NXPH1: variants seen among roughly 807,000 people sequenced by gnomAD.
NXPH1 encodes neurexophilin 1.
A neutral mutation model predicts 23.7 loss-of-function variants in NXPH1; 5 were observed. The observed-to-expected ratio is 0.21, with a 90% confidence interval of 0.11 to 0.44. NXPH1 has a LOEUF of 0.44. Ranked by LOEUF, NXPH1 falls within the 20% of genes least tolerant of loss-of-function variation. NXPH1 has a pLI of 0.99. For missense variants in NXPH1, 324 were observed against 321.6 expected, an observed-to-expected ratio of 1.01 and a Z score of -0.06; for synonymous variants, 144 against 122.2, an observed-to-expected ratio of 1.18 and a Z score of -1.18.
intron 2 of NXPH1, among the ~76,000 whole-genome samples, chr7:8,577,075 A>G (rs1191238604): frequency 1.3e-5 from 2 of 152,162 alleles, no homozygotes; most frequent in African/African-American, 4.8e-5. Flanking sequence ...AAATGATAAT[A>G]ATATTAATAC....
chr7:8,675,595 C>G (rs1048420249), intron 2 of NXPH1, among the ~76,000 whole-genome samples: 1 of 152,116 alleles, frequency 6.6e-6, no homozygotes, highest in Non-Finnish European at 1.5e-5. Context: ...CCAAGTTAAT[C>G]ATTGCAGCAT....
At chr7:8,643,299 ATTC>A (rs1820347066) in intron 2 of NXPH1, among the ~76,000 whole-genome samples, 2 of 152,154 alleles carry the variant, frequency 1.3e-5, no homozygotes, top group African/African-American at 2.4e-5. Context: ...GTACATATAT[ATTC>A]TTATACATGT....
chr7:8,663,361 T>C (rs1238920178), intron 2 of NXPH1, among the ~76,000 whole-genome samples: 1 of 152,064 alleles, frequency 6.6e-6, no homozygotes, highest in Admixed American at 6.6e-5. Context: ...CCATCATCCT[T>C]TCTGGTCTCA....
At chr7:8,469,063 G>T (rs990219044) in intron 2 of NXPH1, among the ~76,000 whole-genome samples, 2 of 151,856 alleles carry the variant, frequency 1.3e-5, no homozygotes, top group African/African-American at 4.8e-5. Flanking sequence ...TACATAAAAA[G>T]TAGATTTAAG....
At chr7:8,579,814 G>A (rs537988254) in intron 2 of NXPH1, among the ~76,000 whole-genome samples, 1 of 152,326 alleles carries the variant, frequency 6.6e-6, no homozygotes, top group East Asian at 1.9e-4. Context: ...GGCTATCAGA[G>A]ACCTTGAAGG....
intron 2 of NXPH1, among the ~76,000 whole-genome samples, chr7:8,620,065 G>A (rs898856327): frequency 6.6e-6 from 1 of 152,152 alleles, no homozygotes; most frequent in African/African-American, 2.4e-5. Flanking sequence ...AGCACTTAGA[G>A]CTGCCAGAGT....
intron 2 of NXPH1, among the ~76,000 whole-genome samples, chr7:8,606,609 C>A (rs1434166255): frequency 1.3e-5 from 2 of 152,134 alleles, no homozygotes; most frequent in Non-Finnish European, 2.9e-5. Flanking sequence ...TGGTTTTTGA[C>A]CCTCCTTTTG....
chr7:8,612,174 C>T (rs1198534773), intron 2 of NXPH1, among the ~76,000 whole-genome samples: 1 of 151,256 alleles, frequency 6.6e-6, no homozygotes, highest in Non-Finnish European at 1.5e-5. Context: ...TGTCATTTCT[C>T]CCTCTTTTCT....
Position 8,485,258 on chromosome 7 carries a change from C to G in NXPH1, c.54+49491C>G, listed in dbSNP as rs150078777. Among the ~76,000 whole-genome samples the G allele has an allele frequency of 6.7e-3, 1,013 of 152,262 alleles. 10 individuals are homozygous for G. The highest frequency in any genetic ancestry group is 0.023 in the African/African-American group (940 of 41,554). The stretch of plus-strand genomic sequence containing the variant: ...TTGCCTGCCTCCATGTAAGATGTGA[C>G]TTTGCTCCTCATTCACCTTCTGCCA... On this transcript the variant is annotated intron_variant, in intron 2 of 2. Coordinates refer to ENST00000405863, the MANE Select transcript of NXPH1 (RefSeq NM_152745.3).
intron 2 of NXPH1, among the ~76,000 whole-genome samples, chr7:8,589,658 C>T (rs1215394206): frequency 6.6e-6 from 1 of 152,008 alleles, no homozygotes; most frequent in African/African-American, 2.4e-5. Context: ...AAAAGATAAC[C>T]TGAAGAGAAG....
chr7:8,712,482 TCTTC>T (rs992985136), intron 2 of NXPH1, among the ~76,000 whole-genome samples: 7 of 152,206 alleles, frequency 4.6e-5, no homozygotes, highest in Admixed American at 3.9e-4. Flanking sequence ...GAATGAAAAT[TCTTC>T]CCTCTGTGTC....
chr7:8,466,712 T>C (rs1426077505), intron 2 of NXPH1, among the ~76,000 whole-genome samples: 1 of 152,206 alleles, frequency 6.6e-6, no homozygotes, highest in Non-Finnish European at 1.5e-5. Flanking sequence ...GTAAATGATC[T>C]AAAACTTTAT....
chr7:8,658,361 C>A (rs1820614781), intron 2 of NXPH1, among the ~76,000 whole-genome samples: 1 of 152,140 alleles, frequency 6.6e-6, no homozygotes, highest in Admixed American at 6.5e-5. Flanking sequence ...AACACATTTC[C>A]ATTTAGTATG....
intron 2 of NXPH1, among the ~76,000 whole-genome samples, chr7:8,597,714 CG>C (rs56375812): frequency 3.2e-5 from 3 of 92,924 alleles, no homozygotes; most frequent in East Asian, 7.6e-4. Context: ...GGGTGGGGGG[CG>C]GGGGGGCAGT....
At chr7:8,558,045 T>C (rs1259156685) in intron 2 of NXPH1, among the ~76,000 whole-genome samples, 1 of 151,706 alleles carries the variant, frequency 6.6e-6, no homozygotes, top group Non-Finnish European at 1.5e-5. Context: ...AAAAGGCTTG[T>C]TATTAAAATT....
At chr7:8,644,899 G>A (rs562758882) in intron 2 of NXPH1, among the ~76,000 whole-genome samples, 3 of 152,044 alleles carry the variant, frequency 2.0e-5, no homozygotes, top group Non-Finnish European at 4.4e-5. Context: ...ACAGTATATG[G>A]TTTAGTTTTG....
intron 2 of NXPH1, among the ~76,000 whole-genome samples, chr7:8,475,182 T>C (rs919138433): frequency 6.6e-6 from 1 of 152,130 alleles, no homozygotes; most frequent in African/African-American, 2.4e-5. Context: ...TTCAGTTGTT[T>C]AACTCTTGTG....
At chr7:8,601,511 C>G (rs1819359366) in intron 2 of NXPH1, among the ~76,000 whole-genome samples, 1 of 152,176 alleles carries the variant, frequency 6.6e-6, no homozygotes, top group Admixed American at 6.5e-5. Context: ...GTCCCTTCAC[C>G]ATTTTCCTTT....
Position 8,435,911 on chromosome 7 carries a change from G to T in NXPH1, c.54+144G>T. 1 of 793,196 alleles carries T rather than the reference G, an allele frequency of 1.3e-6. No individual in the cohort carries two copies. The allele number at this position is 793,196 out of a possible 1,614,324, so 49.1% of individuals were successfully genotyped here. ...TGTGTTGGAGCAACTTTGGCAAGCTGGTCTCTGGATTCCTGCGGATTTTCC... is the reference window on the plus strand; with the variant it reads ...TGTGTTGGAGCAACTTTGGCAAGCTTGTCTCTGGATTCCTGCGGATTTTCC... On this transcript the variant is annotated intron_variant, in intron 2 of 2. Coordinates refer to ENST00000405863, the MANE Select transcript of NXPH1 (RefSeq NM_152745.3). This position sits in a 1 kb window ranked among gnomAD's most constrained non-coding sequence, Gnocchi z 5.9.
Sources: gnomAD v4.1 joint callset for allele counts (sites outside exome capture counted in the v4.1 genomes callset) on GRCh38, gnomAD v4.1.1 for gene constraint, Gnocchi (gnomAD v3.1) non-coding constraint, MANE v1.5 for transcripts, NCBI Gene and HGNC (gene_info 2026-07-23, HGNC 2026-07-21) for gene names.